The following KCNMA1 variants were observed in gnomAD, a reference collection of about 807,000 sequenced individuals.
KCNMA1 encodes the protein potassium calcium-activated channel subfamily M alpha 1, also known as Calcium-activated potassium channel subunit alpha-1.
KCNMA1 carries 29 observed loss-of-function variants against 140.0 expected under a neutral mutation model. That is an observed-to-expected ratio of 0.21 (90% CI 0.15 to 0.28). The LOEUF (loss-of-function observed/expected upper bound fraction) is 0.28, where lower values mean the gene tolerates loss of function less well. KCNMA1 is among the 10% of genes least tolerant of loss of function. The pLI, the probability that KCNMA1 is intolerant of heterozygous loss-of-function variation, is 1.00. For missense variants in KCNMA1, 880 were observed against 1,602.2 expected, an observed-to-expected ratio of 0.55 and a Z score of 7.70; for synonymous variants, 612 against 611.9, an observed-to-expected ratio of 1.00 and a Z score of 0.00.
intron 2 of KCNMA1, among the ~76,000 whole-genome samples, chr10:77,392,684 G>A (rs2095876153): frequency 6.6e-6 from 1 of 152,212 alleles, no homozygotes; most frequent in Non-Finnish European, 1.5e-5. Flanking sequence ...TAGCTCAGAG[G>A]AGCTGCCTCG....
chr10:76,964,520 T>G (rs965394925), intron 20 of KCNMA1, among the ~76,000 whole-genome samples: 1 of 152,070 alleles, frequency 6.6e-6, no homozygotes, highest in African/African-American at 2.4e-5. Flanking sequence ...CCAACTACTT[T>G]TTTCTTCTCC....
chr10:77,004,636 T>C (rs1468313299), intron 18 of KCNMA1, among the ~76,000 whole-genome samples: 2 of 152,202 alleles, frequency 1.3e-5, no homozygotes, highest in Non-Finnish European at 2.9e-5. Context: ...TCCAGAAGAA[T>C]TGAACACTCT....
At chr10:77,008,950 C>G (rs1020840026) in intron 18 of KCNMA1, among the ~76,000 whole-genome samples, 3 of 152,220 alleles carry the variant, frequency 2.0e-5, no homozygotes, top group Non-Finnish European at 1.5e-5. Flanking sequence ...GCCTGACCTA[C>G]ATGGGGAGGT....
chr10:77,458,864 C>A (rs1379315767), intron 1 of KCNMA1, among the ~76,000 whole-genome samples: 1 of 152,226 alleles, frequency 6.6e-6, no homozygotes, highest in Non-Finnish European at 1.5e-5. Flanking sequence ...CCTCAGTCCA[C>A]TAGCCAAATT....
At position 77,431,681 on chromosome 10, in the gene KCNMA1, TAAAAA is replaced by T. The variant is rs71028276; in HGVS notation, c.379-27663_379-27659del. On this transcript the variant is annotated intron_variant, in intron 1 of 27. Coordinates refer to ENST00000286628, the MANE Select transcript of KCNMA1 (RefSeq NM_001161352.2). ...CATGCCCCTGAAGTCTGGTCTGTTGTAAAAAAAAAAAAAAAAAAAAAAAAAAAAAA... is the reference window on the plus strand; with the variant it reads ...CATGCCCCTGAAGTCTGGTCTGTTGTAAAAAAAAAAAAAAAAAAAAAAAAA... 4.2e-4 allele frequency among the ~76,000 whole-genome samples: 32 copies of T among 75,448 alleles called. 1 individual carries two copies. In the East Asian group the frequency reaches 0.024, roughly 56 times the overall value. The allele number at this position is 75,448 out of a possible 152,430, so 49.5% of individuals were successfully genotyped here.
chr10:77,611,445 G>A (rs898230101), intron 1 of KCNMA1, among the ~76,000 whole-genome samples: 11 of 152,152 alleles, frequency 7.2e-5, no homozygotes, highest in Admixed American at 5.2e-4. Context: ...TTGAGCCACC[G>A]GATCAAGGCT....
At chr10:77,431,286 T>G (rs2097146608) in intron 1 of KCNMA1, among the ~76,000 whole-genome samples, 1 of 152,180 alleles carries the variant, frequency 6.6e-6, no homozygotes. Context: ...ATTCTCAGAT[T>G]GCAAACAATA....
At chr10:77,235,348 A>G (rs150604798) in intron 3 of KCNMA1, among the ~76,000 whole-genome samples, 1 of 152,304 alleles carries the variant, frequency 6.6e-6, no homozygotes, top group East Asian at 1.9e-4. Context: ...GACCTCATCA[A>G]GTTTTACAGA....
chr10:77,076,735 T>A (rs1257191934), intron 13 of KCNMA1, among the ~76,000 whole-genome samples: 1 of 152,146 alleles, frequency 6.6e-6, no homozygotes. Context: ...TTTAAAACCA[T>A]AAAATATGAC....
intron 23 of KCNMA1, among the ~76,000 whole-genome samples, chr10:76,925,272 C>G (rs186735847): frequency 2.0e-5 from 3 of 152,256 alleles, no homozygotes; most frequent in Admixed American, 2.0e-4. Flanking sequence ...GCTAACCTTT[C>G]TTTATTGTTT....
chr10:77,570,615 A>C, intron 1 of KCNMA1, among the ~76,000 whole-genome samples: 1 of 95,136 alleles, frequency 1.1e-5, no homozygotes, highest in African/African-American at 4.0e-5. Context: ...GAGGGATAGC[A>C]TTGGGAGATA....
At chr10:77,316,480 G>A (rs564992973) in intron 2 of KCNMA1, among the ~76,000 whole-genome samples, 57 of 152,270 alleles carry the variant, frequency 3.7e-4, no homozygotes, top group African/African-American at 1.2e-3. Context: ...GAGCCTGCAC[G>A]GGACTCTCCT....
At chr10:76,900,909 A>C (rs1357790427) in intron 25 of KCNMA1, among the ~76,000 whole-genome samples, 2 of 151,858 alleles carry the variant, frequency 1.3e-5, no homozygotes, top group East Asian at 3.9e-4. Flanking sequence ...AAAAAAAAAA[A>C]ACCCAGTACA....
At chr10:77,044,389 C>A (rs1410836096) in intron 14 of KCNMA1, among the ~76,000 whole-genome samples, 1 of 152,116 alleles carries the variant, frequency 6.6e-6, no homozygotes, top group Non-Finnish European at 1.5e-5. Context: ...AAATCCTTAG[C>A]CACACCTGTA....
chr10:77,529,245 T>G (rs816826), intron 1 of KCNMA1, among the ~76,000 whole-genome samples: 1 of 150,872 alleles, frequency 6.6e-6, no homozygotes, highest in East Asian at 2.0e-4. Context: ...TTTTTCCCCC[T>G]GCACCACTCT....
intron 1 of KCNMA1, among the ~76,000 whole-genome samples, chr10:77,449,926 G>A (rs990177786): frequency 6.6e-6 from 1 of 151,538 alleles, no homozygotes; most frequent in Non-Finnish European, 1.5e-5. Flanking sequence ...ACAGGTGTGA[G>A]CCACCACGCC....
chr10:76,953,472 G>A (rs1237609050), intron 21 of KCNMA1, among the ~76,000 whole-genome samples: 1 of 152,126 alleles, frequency 6.6e-6, no homozygotes, highest in Non-Finnish European at 1.5e-5. Flanking sequence ...CCCAAGCCAT[G>A]CAGCTAATAA....
At chr10:76,953,652 G>A in intron 21 of KCNMA1, 149 bp downstream of exon 21, 1 of 938,980 alleles carries the variant, frequency 1.1e-6, no homozygotes, top group Non-Finnish European at 1.7e-6. Context: ...AGGTCTAGCT[G>A]CTTCAATCTA....
chr10:77,469,935 G>A (rs1844560522), intron 1 of KCNMA1, among the ~76,000 whole-genome samples: 1 of 152,200 alleles, frequency 6.6e-6, no homozygotes, highest in Non-Finnish European at 1.5e-5. Context: ...GCAAGGAACA[G>A]GCTGGGCTAC....
Sources: allele counts gnomAD v4.1 joint callset (sites outside exome capture counted in the v4.1 genomes callset), GRCh38; gene constraint gnomAD v4.1.1; transcripts MANE v1.5; gene names NCBI Gene and HGNC (gene_info 2026-07-23, HGNC 2026-07-21).